SDK1: variants seen among roughly 807,000 people sequenced by gnomAD.
SDK1 encodes the protein protein sidekick-1.
In SDK1, 157 loss-of-function variants were observed where a neutral mutation model predicts 245.5. The ratio of observed to expected loss-of-function variants is 0.64; its 90% CI spans 0.56 to 0.73. SDK1 has a LOEUF of 0.73. Among genes scored for constraint, SDK1 ranks in the 30% least tolerant of loss-of-function variants. The pLI, the probability that SDK1 is intolerant of heterozygous loss-of-function variation, is 0.00. For synonymous variants in SDK1, 1,647 were observed against 1,278.5 expected (o/e 1.29, Z -6.15); for missense variants, 3,583 against 3,002.3 (o/e 1.19, Z -4.52).
intron 4 of SDK1, among the ~76,000 whole-genome samples, chr7:3,720,588 C>T (rs944590047): frequency 6.6e-6 from 1 of 152,138 alleles, no homozygotes; most frequent in African/African-American, 2.4e-5. Flanking sequence ...CAGATAATGG[C>T]GTGAGAATGC....
intron 44 of SDK1, among the ~76,000 whole-genome samples, chr7:4,251,437 C>T (rs180913064): frequency 1.3e-5 from 2 of 152,340 alleles, no homozygotes; most frequent in African/African-American, 4.8e-5. Context: ...AGTCCTCCAC[C>T]AGAGAGCTGT....
chr7:4,120,941 A>AAG (rs1554348547), intron 25 of SDK1, among the ~76,000 whole-genome samples: 25 of 152,088 alleles, frequency 1.6e-4, no homozygotes, highest in Middle Eastern at 3.4e-3. Context: ...AAAAAAAAAA[A>AAG]AAAGAAAGAA....
At chr7:3,450,354 A>G (rs1242275430) in intron 1 of SDK1, among the ~76,000 whole-genome samples, 3 of 152,306 alleles carry the variant, frequency 2.0e-5, no homozygotes, top group East Asian at 3.9e-4. Flanking sequence ...AAATGTGTGG[A>G]TGAGGTATTA....
intron 5 of SDK1, among the ~76,000 whole-genome samples, chr7:3,915,996 C>A (rs1468893267): frequency 3.3e-5 from 5 of 152,200 alleles, no homozygotes; most frequent in Non-Finnish European, 5.9e-5. Context: ...TGGAGCAGAT[C>A]TCAATAGATG....
chr7:3,534,672 C>T (rs1335399969), intron 1 of SDK1, among the ~76,000 whole-genome samples: 7 of 152,022 alleles, frequency 4.6e-5, no homozygotes, highest in South Asian at 2.1e-4. Context: ...AGGCTTTCCT[C>T]GGTTGTTTGT....
intron 1 of SDK1, among the ~76,000 whole-genome samples, chr7:3,450,105 A>G (rs780587853): frequency 7.9e-5 from 12 of 152,234 alleles, no homozygotes; most frequent in Non-Finnish European, 1.8e-4. Context: ...AATAGTAAAT[A>G]TAGACACTGA....
intron 11 of SDK1, among the ~76,000 whole-genome samples, chr7:3,969,743 T>C (rs536260780): frequency 1.8e-4 from 27 of 152,296 alleles, no homozygotes; most frequent in Admixed American, 3.3e-4. Context: ...TTATAAGCAT[T>C]TTATAAGAAA....
At chr7:4,018,680 TGCATGGG>T (rs1203255103) in intron 17 of SDK1, among the ~76,000 whole-genome samples, 1 of 152,238 alleles carries the variant, frequency 6.6e-6, no homozygotes, top group East Asian at 1.9e-4. Flanking sequence ...ATTTGAGTTC[TGCATGGG>T]GCAGAGGGAA....
At chr7:3,566,358 G>T (rs1181580668) in intron 1 of SDK1, among the ~76,000 whole-genome samples, 1 of 151,376 alleles carries the variant, frequency 6.6e-6, no homozygotes, top group Non-Finnish European at 1.5e-5. Flanking sequence ...CTGAGTAACT[G>T]GGACTACAGG....
intron 1 of SDK1, among the ~76,000 whole-genome samples, chr7:3,321,052 G>A (rs1449742513): frequency 6.6e-6 from 1 of 152,178 alleles, no homozygotes; most frequent in East Asian, 1.9e-4. Flanking sequence ...CATAGGATAT[G>A]TGGATGTCTT....
At position 3,442,267 on chromosome 7, in the gene SDK1, C is replaced by T. The variant is rs113104451; in HGVS notation, c.298+140383C>T. Among the ~76,000 whole-genome samples the T allele has an allele frequency of 1.2e-4, 18 of 152,262 alleles. 1 individual carries two copies. Among genetic ancestry groups the T allele is most frequent in the South Asian group, 6.2e-4 (3 of 4,824 alleles). On this transcript the variant is annotated intron_variant, in intron 1 of 44. Coordinates refer to ENST00000404826, the MANE Select transcript of SDK1 (RefSeq NM_152744.4). ...CACATAGCCTTTCATGTTAAAGCTC[C>T]GCATTTTTCTAAAGGAGTATTGATT...
rs965091517 is a variant in SDK1, at chr7:3,973,445, T to C, written c.1818-924T>C. ...ATCTAAAGACTGGGCAGGCTCTCAA[T>C]TGATTGTGTATTTGAAAAGAAAAAT... On this transcript the variant is annotated intron_variant, in intron 12 of 44. Transcript: ENST00000404826. 2.0e-5 allele frequency among the ~76,000 whole-genome samples: 3 copies of C among 152,130 alleles called. No individual in the cohort carries two copies. In the South Asian group the frequency reaches 6.2e-4, roughly 32 times the overall value.
At chr7:3,585,127 T>C (rs1780642855) in intron 1 of SDK1, among the ~76,000 whole-genome samples, 1 of 152,182 alleles carries the variant, frequency 6.6e-6, no homozygotes, top group Non-Finnish European at 1.5e-5. Context: ...AAATAAAACA[T>C]CAGCATGTAA....
At chr7:3,963,418 A>G (rs1583652922) in intron 9 of SDK1, among the ~76,000 whole-genome samples, 1 of 77,976 alleles carries the variant, frequency 1.3e-5, no homozygotes, top group East Asian at 2.8e-4. Context: ...CCCCATGGCT[A>G]CCTGGATGTA....
At chr7:3,385,754 T>C (rs187220619) in intron 1 of SDK1, among the ~76,000 whole-genome samples, 2 of 152,266 alleles carry the variant, frequency 1.3e-5, no homozygotes, top group East Asian at 1.9e-4. Flanking sequence ...ATTAGTGAGG[T>C]GAGATGGAGA....
At chr7:3,373,488 G>C (rs1781277934) in intron 1 of SDK1, among the ~76,000 whole-genome samples, 1 of 152,168 alleles carries the variant, frequency 6.6e-6, no homozygotes, top group Non-Finnish European at 1.5e-5. Context: ...AAATCCCTTA[G>C]TAAAAGGATT....
chr7:3,553,920 C>G (rs1485907451), intron 1 of SDK1, among the ~76,000 whole-genome samples: 1 of 152,146 alleles, frequency 6.6e-6, no homozygotes, highest in African/African-American at 2.4e-5. Flanking sequence ...CGTGGGAGCC[C>G]CCATCAGAAC....
At chr7:3,439,251 ACT>A (rs1429889826) in intron 1 of SDK1, among the ~76,000 whole-genome samples, 1 of 151,862 alleles carries the variant, frequency 6.6e-6, no homozygotes, top group African/African-American at 2.4e-5. Context: ...AGATAAATAA[ACT>A]CTTTTATTTC....
intron 14 of SDK1, among the ~76,000 whole-genome samples, chr7:4,000,577 G>T (rs777608726): frequency 6.6e-6 from 1 of 152,104 alleles, no homozygotes; most frequent in Non-Finnish European, 1.5e-5. Context: ...TCTCCACGCC[G>T]CTCTCCATGA....
Sources: allele counts gnomAD v4.1 joint callset (sites outside exome capture counted in the v4.1 genomes callset), GRCh38; gene constraint gnomAD v4.1.1; transcripts MANE v1.5; gene names NCBI Gene and HGNC (gene_info 2026-07-23, HGNC 2026-07-21).